DST: variants seen among roughly 807,000 people sequenced by gnomAD.
DST encodes dystonin.
Under a neutral mutation model 875.2 loss-of-function variants are expected in DST, and 253 were observed. The ratio of observed to expected loss-of-function variants is 0.29; its 90% CI spans 0.26 to 0.32. The LOEUF is 0.32. Among genes scored for constraint, DST ranks in the 10% least tolerant of loss-of-function variants. The pLI is 1.00. For synonymous variants in DST, 3,124 were observed against 3,197.1 expected (o/e 0.98, Z 0.77); for missense variants, 8,287 against 9,111.6 (o/e 0.91, Z 3.68).
At chr6:56,656,480 G>A (rs1176499607) in intron 10 of DST, among the ~76,000 whole-genome samples, 1 of 152,164 alleles carries the variant, frequency 6.6e-6, no homozygotes, top group African/African-American at 2.4e-5. Flanking sequence ...TACCTACTAT[G>A]TGGCAGGCAA....
At chr6:56,549,382 A>G (rs1214010461) in intron 61 of DST, among the ~76,000 whole-genome samples, 1 of 152,196 alleles carries the variant, frequency 6.6e-6, no homozygotes, top group African/African-American at 2.4e-5. Context: ...CTAGCTTTTC[A>G]CTCAATACAA....
rs1321046524 is a variant in DST, at chr6:56,473,969, C to T, written c.21898G>A (p.Asp7300Asn). 2 of 1,581,598 alleles carry T rather than the reference C, an allele frequency of 1.3e-6. No homozygotes were observed. The highest frequency in any genetic ancestry group is 1.7e-6 in the Non-Finnish European group (2 of 1,161,586). The change falls in exon 93 of 104, where the codon GAT (aspartate) becomes AAT (asparagine). Residue 7300 changes from aspartate (D) to asparagine (N), a missense_variant. Coordinates refer to ENST00000680361, the MANE Select transcript of DST (RefSeq NM_001374736.1). ...TAGGTCTTCGTTACTTTATCAACAT[C>T]AGGCTGTTTTCTGGTCATTTCCTCC... ...FMEEMTRKQPDVDKVTKTYKR... is the reference protein window; with the variant it reads ...FMEEMTRKQPNVDKVTKTYKR...
intron 4 of DST, among the ~76,000 whole-genome samples, chr6:56,743,427 T>C (rs1177011910): frequency 6.6e-6 from 1 of 152,176 alleles, no homozygotes; most frequent in Admixed American, 6.6e-5. Flanking sequence ...AATGAATAAA[T>C]TGTACCAGAT....
chr6:56,471,072 T>C (rs1394336669), intron 95 of DST, 34 bp downstream of exon 95: 1 of 1,584,528 alleles, frequency 6.3e-7, no homozygotes, highest in Non-Finnish European at 8.6e-7. Context: ...CTTTAAAAAT[T>C]GTATCAGTCA....
chr6:56,603,586 T>G lies in DST; in HGVS notation c.10919A>C (p.Lys3640Thr). The change falls in exon 41 of 104, where the codon AAG (lysine) becomes ACG (threonine). Residue 3640 changes from lysine to threonine, a missense_variant. This residue lies in a region of DST where 3,138 missense variants were observed against 3,116.6 expected (regional missense o/e 1.01). Coordinates refer to ENST00000680361, the MANE Select transcript of DST (RefSeq NM_001374736.1). ...TACCTCCAACTGTCTAAGTTGATTC[T>G]TCAAAGCTTCCAAGTTGTTATCCAG... ...ESLDNNLEAL[K>T]NQLRQLETFE... 2.5e-6 allele frequency: 4 copies of G among 1,609,426 alleles called. No homozygotes were observed. The highest frequency in any genetic ancestry group is 3.4e-6 in the Non-Finnish European group (4 of 1,178,382).
intron 4 of DST, among the ~76,000 whole-genome samples, chr6:56,745,742 T>A (rs1381072813): frequency 6.6e-6 from 1 of 152,200 alleles, no homozygotes. Context: ...TAACTCCTAT[T>A]AATTAGTAAG....
intron 37 of DST, among the ~76,000 whole-genome samples, chr6:56,613,282 T>C (rs1482050627): frequency 6.6e-6 from 1 of 152,182 alleles, no homozygotes; most frequent in African/African-American, 2.4e-5. Flanking sequence ...ATCCCACATA[T>C]ATAGTATGTA....
chr6:56,630,443 A>C, intron 30 of DST, 60 bp from the exon 31 acceptor site: 1 of 1,427,420 alleles, frequency 7.0e-7, no homozygotes, highest in South Asian at 1.2e-5. Flanking sequence ...TGCATAATGT[A>C]GTCCTGAAGC....
intron 9 of DST, among the ~76,000 whole-genome samples, chr6:56,671,285 G>A (rs931654268): frequency 1.8e-4 from 27 of 152,104 alleles, no homozygotes; most frequent in African/African-American, 5.6e-4. Context: ...AACTTAAGGA[G>A]GTGTTTTCCA....
chr6:56,673,963 T>C (rs2152832723), intron 9 of DST, among the ~76,000 whole-genome samples: 1 of 152,292 alleles, frequency 6.6e-6, no homozygotes, highest in East Asian at 1.9e-4. Flanking sequence ...CACTAGTATA[T>C]CAGACTTTTC....
chr6:56,782,155 G>A (rs928827200), intron 4 of DST, among the ~76,000 whole-genome samples: 2 of 152,148 alleles, frequency 1.3e-5, no homozygotes, highest in African/African-American at 4.8e-5. Flanking sequence ...TTGCATCAAT[G>A]TTCATCAAGG....
At position 56,604,458 on chromosome 6, in the gene DST, A is replaced by C. The variant is rs749439551; in HGVS notation, c.10170T>G (p.Ile3390Met). 8.7e-6 allele frequency: 14 copies of C among 1,609,822 alleles called. No homozygotes were observed. The highest frequency in any genetic ancestry group is 1.6e-4 in the Middle Eastern group (1 of 6,066). Reference sequence around the variant, plus strand: ...CCAACTGTGATGTGGTAATCCTTTTAATTAAATTTTGAATTAAAATTTTAG... The same window carrying C: ...CCAACTGTGATGTGGTAATCCTTTTCATTAAATTTTGAATTAAAATTTTAG... ...ADTKILIQNL[I>M]KRITTSQLVN... Residue 3390 changes from isoleucine (I) to methionine (M), a missense_variant, in exon 40 of 104, where the codon ATT becomes ATG. Transcript: ENST00000680361.
At chr6:56,521,820 C>T (rs2096713568) in intron 69 of DST, among the ~76,000 whole-genome samples, 1 of 151,976 alleles carries the variant, frequency 6.6e-6, no homozygotes. Context: ...GGTCCATAAA[C>T]ATATTTCTAA....
intron 61 of DST, among the ~76,000 whole-genome samples, chr6:56,537,407 A>T (rs2097028318): frequency 6.6e-6 from 1 of 152,238 alleles, no homozygotes; most frequent in Non-Finnish European, 1.5e-5. Flanking sequence ...CTGAAGCTTG[A>T]GACTCACATT....
intron 4 of DST, among the ~76,000 whole-genome samples, chr6:56,735,526 C>T (rs2099519682): frequency 6.6e-6 from 1 of 151,292 alleles, no homozygotes; most frequent in Non-Finnish European, 1.5e-5. Context: ...TAAACAAATG[C>T]CCTCTGCCCC....
At chr6:56,560,981 A>G (rs1017026889) in intron 57 of DST, among the ~76,000 whole-genome samples, 5 of 152,178 alleles carry the variant, frequency 3.3e-5, no homozygotes, top group Admixed American at 2.6e-4. Flanking sequence ...TACAGAGAAC[A>G]GATCCTTCAT....
At chr6:56,575,635 T>C (rs1196985999) in intron 50 of DST, among the ~76,000 whole-genome samples, 1 of 152,192 alleles carries the variant, frequency 6.6e-6, no homozygotes, top group African/African-American at 2.4e-5. Context: ...TGTGATAGTG[T>C]TGGGTGCTGG....
intron 4 of DST, among the ~76,000 whole-genome samples, chr6:56,742,897 A>AT (rs1383555868): frequency 6.6e-6 from 1 of 152,194 alleles, no homozygotes; most frequent in East Asian, 1.9e-4. Context: ...ATACATTTTC[A>AT]TTTGGATTTC....
intron 15 of DST, among the ~76,000 whole-genome samples, chr6:56,643,697 C>T (rs911463979): frequency 2.6e-5 from 4 of 152,206 alleles, no homozygotes; most frequent in African/African-American, 9.6e-5. Context: ...TCCAATAATA[C>T]TGTTACTTCT....
Sources: gnomAD v4.1 joint callset for allele counts (sites outside exome capture counted in the v4.1 genomes callset) on GRCh38, gnomAD v4.1.1 for gene constraint, gnomAD v4.1.1 regional missense constraint, MANE v1.5 for transcripts, NCBI Gene and HGNC (gene_info 2026-07-23, HGNC 2026-07-21) for gene names.